The following GRM3 variants were observed in gnomAD, a reference collection of about 807,000 sequenced individuals.
GRM3 encodes the protein glutamate metabotropic receptor 3.
A neutral mutation model predicts 70.5 loss-of-function variants in GRM3; 26 were observed. The observed-to-expected ratio is 0.37, with a 90% CI of 0.27 to 0.51. GRM3 has a LOEUF of 0.51. Among genes scored for constraint, GRM3 ranks in the 20% least tolerant of loss-of-function variants. The pLI, the probability that GRM3 is intolerant of heterozygous loss-of-function variation, is 0.93. For synonymous variants in GRM3, 443 were observed against 434.9 expected (o/e 1.02, Z -0.23); for missense variants, 859 against 1,123.8 (o/e 0.76, Z 3.37).
chr7:86,804,297 C>T (rs947973983), intron 3 of GRM3, among the ~76,000 whole-genome samples: 3 of 152,204 alleles, frequency 2.0e-5, no homozygotes, highest in South Asian at 2.1e-4. Flanking sequence ...CACTGCATGG[C>T]TCAGTGGATT....
chr7:86,754,560 T>G (rs1287012731), intron 1 of GRM3, among the ~76,000 whole-genome samples: 1 of 152,124 alleles, frequency 6.6e-6, no homozygotes, highest in African/African-American at 2.4e-5. Flanking sequence ...TGAGATGGCA[T>G]CTATATGTAA....
intron 1 of GRM3, among the ~76,000 whole-genome samples, chr7:86,669,309 C>A (rs1219003325): frequency 1.3e-5 from 2 of 152,142 alleles, no homozygotes; most frequent in Non-Finnish European, 2.9e-5. Context: ...AGGGGACAGC[C>A]AATTGAGAAA....
intron 5 of GRM3, among the ~76,000 whole-genome samples, chr7:86,857,220 T>C (rs1450079669): frequency 4.6e-5 from 7 of 152,148 alleles, no homozygotes; most frequent in South Asian, 2.1e-4. Flanking sequence ...GACTCGTTCA[T>C]GTAGTCCCAT....
rs145204012 is a variant in GRM3, at chr7:86,715,350, C to T, written c.-140-49656C>T. Among the ~76,000 whole-genome samples the T allele has an allele frequency of 2.6e-3, 392 of 152,092 alleles. 1 individual carries two copies. The highest frequency in any genetic ancestry group is 8.3e-3 in the African/African-American group (346 of 41,518). ...TTAACATAAGACATATTTGGGTTTA[C>T]ATCCTATTCTACCACTTACTGACTC... On this transcript the variant is annotated intron_variant, in intron 1 of 5. Coordinates refer to ENST00000361669, the MANE Select transcript of GRM3 (RefSeq NM_000840.3).
chr7:86,826,753 A>T (rs1457027646), intron 3 of GRM3, among the ~76,000 whole-genome samples: 1 of 152,162 alleles, frequency 6.6e-6, no homozygotes, highest in Non-Finnish European at 1.5e-5. Flanking sequence ...AGCACTATTG[A>T]CATTTTGGGC....
chr7:86,709,987 A>C (rs186543485), intron 1 of GRM3: 9 of 152,204 alleles, frequency 5.9e-5, no homozygotes, highest in Admixed American at 5.9e-4. Context: ...ATATGATGGC[A>C]TGTCTTGCTA....
chr7:86,729,583 A>T (rs191804195), intron 1 of GRM3, among the ~76,000 whole-genome samples: 82 of 152,314 alleles, frequency 5.4e-4, no homozygotes, highest in Middle Eastern at 3.4e-3. Context: ...CTTATGGCTT[A>T]TGTATTGGTT....
At chr7:86,799,112 G>A (rs1797623629) in intron 3 of GRM3, among the ~76,000 whole-genome samples, 1 of 151,996 alleles carries the variant, frequency 6.6e-6, no homozygotes, top group African/African-American at 2.4e-5. Flanking sequence ...TCTCTTACTA[G>A]CAATTGTGAA....
At chr7:86,726,201 C>T (rs548718479) in intron 1 of GRM3, among the ~76,000 whole-genome samples, 1 of 152,268 alleles carries the variant, frequency 6.6e-6, no homozygotes, top group African/African-American at 2.4e-5. Context: ...TCTAGCAGTT[C>T]TTAGTTTACA....
At chr7:86,770,459 T>G (rs1337731285) in intron 2 of GRM3, among the ~76,000 whole-genome samples, 1 of 152,114 alleles carries the variant, frequency 6.6e-6, no homozygotes, top group African/African-American at 2.4e-5. Context: ...TGACATGACA[T>G]GACATGCATT....
At chr7:86,740,886 T>C (rs551162503) in intron 1 of GRM3, among the ~76,000 whole-genome samples, 1 of 152,200 alleles carries the variant, frequency 6.6e-6, no homozygotes, top group Non-Finnish European at 1.5e-5. Context: ...TGGTAGTCTA[T>C]TACTTAGCAC....
At chr7:86,699,283 T>C (rs1408891076) in intron 1 of GRM3, among the ~76,000 whole-genome samples, 3 of 151,968 alleles carry the variant, frequency 2.0e-5, no homozygotes, top group Non-Finnish European at 4.4e-5. Context: ...TTAGAAACAA[T>C]ACCTATTAGC....
chr7:86,646,352 A>G (rs985484000), intron 1 of GRM3, among the ~76,000 whole-genome samples: 1 of 152,172 alleles, frequency 6.6e-6, no homozygotes, highest in Non-Finnish European at 1.5e-5. Context: ...GATTTCTTAC[A>G]CCTGTAGACT....
At chr7:86,821,987 AG>A (rs1452306568) in intron 3 of GRM3, among the ~76,000 whole-genome samples, 2 of 152,026 alleles carry the variant, frequency 1.3e-5, no homozygotes, top group African/African-American at 4.8e-5. Context: ...CATTGTTCAA[AG>A]AAGTGAAAAT....
At chr7:86,742,596 G>T (rs890775690) in intron 1 of GRM3, among the ~76,000 whole-genome samples, 9 of 152,106 alleles carry the variant, frequency 5.9e-5, no homozygotes, top group Middle Eastern at 3.4e-3. Flanking sequence ...GGGCTGGATT[G>T]GTACAGTTTA....
At chr7:86,716,586 A>C (rs1795321696) in intron 1 of GRM3, among the ~76,000 whole-genome samples, 1 of 151,840 alleles carries the variant, frequency 6.6e-6, no homozygotes, top group Non-Finnish European at 1.5e-5. Context: ...GGAGGGAGTG[A>C]GCACATATGC....
At chr7:86,680,527 G>C (rs771489037) in intron 1 of GRM3, among the ~76,000 whole-genome samples, 1 of 152,064 alleles carries the variant, frequency 6.6e-6, no homozygotes, top group Non-Finnish European at 1.5e-5. Flanking sequence ...CCTCTACTAT[G>C]CAAGTGTTGG....
intron 3 of GRM3, among the ~76,000 whole-genome samples, chr7:86,816,597 A>G (rs998061259): frequency 6.6e-6 from 1 of 151,864 alleles, no homozygotes; most frequent in African/African-American, 2.4e-5. Context: ...CTCCACCTCC[A>G]TCCATATTAC....
intron 2 of GRM3, among the ~76,000 whole-genome samples, chr7:86,767,057 A>G (rs1288196220): frequency 6.6e-6 from 1 of 151,962 alleles, no homozygotes; most frequent in Non-Finnish European, 1.5e-5. Flanking sequence ...TCAAAAATAC[A>G]AAACATTAGC....
Sources: allele counts gnomAD v4.1 joint callset (sites outside exome capture counted in the v4.1 genomes callset), GRCh38; gene constraint gnomAD v4.1.1; transcripts MANE v1.5; gene names NCBI Gene and HGNC (gene_info 2026-07-23, HGNC 2026-07-21).